STK40: variants seen among roughly 807,000 people sequenced by gnomAD.
STK40 encodes serine/threonine kinase 40, also known as serine/threonine-protein kinase 40.
In STK40, 13 loss-of-function variants were observed where a neutral mutation model predicts 47.9. The observed-to-expected ratio is 0.27, with a 90% confidence interval of 0.18 to 0.43. The LOEUF is 0.43. Ranked by LOEUF, STK40 falls within the 20% of genes least tolerant of loss-of-function variation. The pLI is 1.00. For missense variants in STK40, 460 were observed against 595.1 expected (o/e 0.77, Z 2.36); for synonymous variants, 225 against 243.2 (o/e 0.93, Z 0.69).
At chr1:36,361,069 G>A (rs1646847929) in intron 2 of STK40, 152 bp downstream of exon 2, 2 of 806,776 alleles carry the variant, frequency 2.5e-6, no homozygotes, top group African/African-American at 3.4e-5. Flanking sequence ...TTCAAGTAGT[G>A]AAGCTAGGGA....
intron 1 of STK40, among the ~76,000 whole-genome samples, chr1:36,361,978 C>A (rs996569167): frequency 1.3e-5 from 2 of 152,162 alleles, no homozygotes; most frequent in Non-Finnish European, 2.9e-5. Flanking sequence ...TTGTCAATGG[C>A]AGGGTTTACT....
intron 1 of STK40, among the ~76,000 whole-genome samples, chr1:36,385,328 G>T (rs1207557162): frequency 6.6e-6 from 1 of 150,804 alleles, no homozygotes; most frequent in Non-Finnish European, 1.5e-5. Context: ...CCTCCCTGGG[G>T]ACTCGTTCTA....
chr1:36,345,941 A>G (rs1646695237), intron 7 of STK40, among the ~76,000 whole-genome samples: 1 of 141,612 alleles, frequency 7.1e-6, no homozygotes. Context: ...AGCAACGATC[A>G]TGCCAAACAC....
chr1:36,348,470 G>A (rs542625356), intron 7 of STK40, among the ~76,000 whole-genome samples: 86 of 152,270 alleles, frequency 5.6e-4, no homozygotes, highest in Non-Finnish European at 4.3e-4. Context: ...CAGCAATCCC[G>A]TTCCTCCCTA....
intron 2 of STK40, 71 bp from the exon 3 acceptor site, chr1:36,358,893 T>G: frequency 6.4e-7 from 1 of 1,562,552 alleles, no homozygotes; most frequent in African/African-American, 1.3e-5. Context: ...CACCACGTGG[T>G]CTTTTACTAG....
At chr1:36,372,619 T>C (rs1646959496) in intron 1 of STK40, 1 of 152,188 alleles carries the variant, frequency 6.6e-6, no homozygotes, top group Non-Finnish European at 1.5e-5. Flanking sequence ...AATGTCTGCA[T>C]GGTTCCAGGC....
chr1:36,378,991 A>G (rs1353248834), intron 1 of STK40, among the ~76,000 whole-genome samples: 2 of 152,180 alleles, frequency 1.3e-5, no homozygotes, highest in Non-Finnish European at 2.9e-5. Context: ...CAAGGCGCTG[A>G]ACCGAGCTTC....
chr1:36,362,223 T>A (rs955297378), intron 1 of STK40, among the ~76,000 whole-genome samples: 1 of 150,682 alleles, frequency 6.6e-6, no homozygotes, highest in African/African-American at 2.5e-5. Context: ...AAAAGAGGAG[T>A]TGTCTCTTCC....
chr1:36,359,373 T>G (rs1168675990), intron 2 of STK40, among the ~76,000 whole-genome samples: 1 of 152,126 alleles, frequency 6.6e-6, no homozygotes, highest in Admixed American at 6.5e-5. Flanking sequence ...GCCACTGCAC[T>G]CCAGCCAGGG....
chr1:36,342,287 G>C (rs959367122), intron 10 of STK40: 3 of 383,660 alleles, frequency 7.8e-6, no homozygotes, highest in African/African-American at 6.2e-5. Context: ...CCCTCGCAAA[G>C]GTTCTCTGAG....
chr1:36,371,732 A>C (rs1251100318), intron 1 of STK40, among the ~76,000 whole-genome samples: 1 of 147,866 alleles, frequency 6.8e-6, no homozygotes, highest in Non-Finnish European at 1.5e-5. Context: ...GCGGTGGCTC[A>C]AACCTGTAAT....
At chr1:36,361,695 AGAG>A (rs1369243870) in intron 1 of STK40, among the ~76,000 whole-genome samples, 1 of 152,060 alleles carries the variant, frequency 6.6e-6, no homozygotes, top group Non-Finnish European at 1.5e-5. Flanking sequence ...ACAGAGACAG[AGAG>A]GAGAGCCAGC....
chr1:36,378,590 C>T (rs1647011724), intron 1 of STK40, among the ~76,000 whole-genome samples: 2 of 152,096 alleles, frequency 1.3e-5, no homozygotes, highest in South Asian at 4.1e-4. Context: ...TCCTGAGTAG[C>T]TGGGACTACA....
chr1:36,379,185 G>A (rs1647018113), intron 1 of STK40, among the ~76,000 whole-genome samples: 1 of 152,202 alleles, frequency 6.6e-6, no homozygotes. Flanking sequence ...CTTTTGCCAA[G>A]TAGGTGGCAG....
At chr1:36,383,725 C>T (rs1394396939) in intron 1 of STK40, among the ~76,000 whole-genome samples, 4 of 152,210 alleles carry the variant, frequency 2.6e-5, no homozygotes, top group Non-Finnish European at 5.9e-5. Context: ...ATATGGCATT[C>T]TTTCATGAAC....
chr1:36,356,423 T>C (rs10796883), intron 4 of STK40, among the ~76,000 whole-genome samples: 32,100 of 122,742 alleles, frequency 0.26, 2,853 homozygotes, highest in East Asian at 0.58. Context: ...TTTTTCTTTT[T>C]TTTTTTTTTT....
intron 10 of STK40, 177 bp downstream of exon 10, chr1:36,343,187 G>A (rs1395381019): frequency 2.6e-6 from 2 of 761,204 alleles, no homozygotes; most frequent in South Asian, 1.5e-5. Context: ...CCCAAGGCAG[G>A]CCCCAGGCAG....
intron 1 of STK40, among the ~76,000 whole-genome samples, chr1:36,367,678 G>A (rs1646913896): frequency 6.7e-6 from 1 of 149,522 alleles, no homozygotes. Context: ...TACAAAGATG[G>A]CACTGAGCAG....
At chr1:36,354,290 G>C in intron 6 of STK40, 74 bp downstream of exon 6, 1 of 1,515,470 alleles carries the variant, frequency 6.6e-7, no homozygotes, top group Non-Finnish European at 9.2e-7. Context: ...ACACTTCAGG[G>C]CACTGGAGAG....
Sources: gnomAD v4.1 joint callset for allele counts (sites outside exome capture counted in the v4.1 genomes callset) on GRCh38, gnomAD v4.1.1 for gene constraint, MANE v1.5 for transcripts, NCBI Gene and HGNC (gene_info 2026-07-23, HGNC 2026-07-21) for gene names.